Variants in CA10 observed in about 807,000 individuals in gnomAD.
CA10 encodes the protein carbonic anhydrase 10 (inactive).
In CA10, 14 loss-of-function variants were observed where a neutral mutation model predicts 44.2. That is an observed-to-expected ratio of 0.32 (90% confidence interval 0.21 to 0.50). The LOEUF is 0.50. Among genes scored for constraint, CA10 ranks in the 20% least tolerant of loss-of-function variants. The pLI, the probability that CA10 is intolerant of heterozygous loss-of-function variation, is 0.99. For missense variants in CA10, 350 were observed against 409.7 expected, an observed-to-expected ratio of 0.85 and a Z score of 1.26; for synonymous variants, 159 against 141.6, an observed-to-expected ratio of 1.12 and a Z score of -0.87.
chr17:51,731,719 C>T (rs868674347), intron 4 of CA10, among the ~76,000 whole-genome samples: 51 of 148,882 alleles, frequency 3.4e-4, no homozygotes, highest in African/African-American at 1.2e-3. Flanking sequence ...ACTCTGTTGC[C>T]GAGGCTGGAG....
intron 2 of CA10, among the ~76,000 whole-genome samples, chr17:52,059,020 A>G (rs1191517812): frequency 6.6e-6 from 1 of 151,788 alleles, no homozygotes. Flanking sequence ...AAAAGAAATA[A>G]CAAAGTATTT....
intron 2 of CA10, among the ~76,000 whole-genome samples, chr17:51,996,280 C>CCT (rs772985509): frequency 1.3e-5 from 2 of 151,876 alleles, no homozygotes; most frequent in Non-Finnish European, 2.9e-5. Context: ...CAATCATACC[C>CCT]CTCTCCTCTT....
At chr17:51,791,658 ATCATGT>A (rs1168333741) in intron 3 of CA10, among the ~76,000 whole-genome samples, 1 of 152,190 alleles carries the variant, frequency 6.6e-6, no homozygotes, top group East Asian at 1.9e-4. Flanking sequence ...TGTCTGGGGC[ATCATGT>A]TCACTGTGGC....
intron 4 of CA10, among the ~76,000 whole-genome samples, chr17:51,680,064 C>T (rs1490735176): frequency 1.3e-5 from 2 of 152,052 alleles, no homozygotes; most frequent in African/African-American, 2.4e-5. Flanking sequence ...ATATGGCCCA[C>T]GAAGCCTAAC....
intron 2 of CA10, among the ~76,000 whole-genome samples, chr17:52,051,020 G>C (rs1480616330): frequency 7.0e-6 from 1 of 143,700 alleles, no homozygotes; most frequent in African/African-American, 2.8e-5. Flanking sequence ...AAGGAACGAA[G>C]GAAGGAAGGA....
At chr17:52,062,409 G>A (rs1177333741) in intron 2 of CA10, among the ~76,000 whole-genome samples, 1 of 152,172 alleles carries the variant, frequency 6.6e-6, no homozygotes, top group Non-Finnish European at 1.5e-5. Context: ...GTGCTGAGGG[G>A]TAACCACTTG....
chr17:51,973,192 C>T (rs1598147501), intron 2 of CA10, among the ~76,000 whole-genome samples: 1 of 152,198 alleles, frequency 6.6e-6, no homozygotes, highest in East Asian at 1.9e-4. Context: ...GAACACAAGG[C>T]TGTGATCTGT....
intron 2 of CA10, among the ~76,000 whole-genome samples, chr17:52,009,500 G>A (rs1356408411): frequency 2.0e-5 from 3 of 151,954 alleles, no homozygotes; most frequent in African/African-American, 7.2e-5. Context: ...GATGTCCTAT[G>A]GGCATGAAAT....
chr17:51,727,900 T>G (rs906637703), intron 4 of CA10, among the ~76,000 whole-genome samples: 1 of 152,122 alleles, frequency 6.6e-6, no homozygotes, highest in East Asian at 1.9e-4. Context: ...TAAAAAAATT[T>G]TTTTAAGGAC....
chr17:51,958,295 T>C (rs1983745650), intron 2 of CA10, among the ~76,000 whole-genome samples: 1 of 152,016 alleles, frequency 6.6e-6, no homozygotes, highest in Non-Finnish European at 1.5e-5. Flanking sequence ...TTAATTCCCT[T>C]GGCTCTACCA....
chr17:51,773,032 C>A (rs1210677355), intron 3 of CA10, among the ~76,000 whole-genome samples: 7 of 152,278 alleles, frequency 4.6e-5, no homozygotes, highest in Non-Finnish European at 1.0e-4. Flanking sequence ...TACCACCAGG[C>A]CATAAGCTCC....
chr17:52,135,229 A>T (rs181286807), intron 1 of CA10, among the ~76,000 whole-genome samples: 1 of 152,156 alleles, frequency 6.6e-6, no homozygotes, highest in Non-Finnish European at 1.5e-5. Flanking sequence ...TAAGGGATAA[A>T]CAGAAACTAG....
intron 1 of CA10, among the ~76,000 whole-genome samples, chr17:52,147,766 C>T (rs1989619834): frequency 6.6e-6 from 1 of 152,164 alleles, no homozygotes; most frequent in Admixed American, 6.5e-5. Context: ...TTCTATCACA[C>T]CCAGGTCATA....
At chr17:51,970,247 T>C (rs1374237096) in intron 2 of CA10, among the ~76,000 whole-genome samples, 1 of 152,058 alleles carries the variant, frequency 6.6e-6, no homozygotes, top group African/African-American at 2.4e-5. Context: ...ATCTAGAAAG[T>C]CTTATTCTTC....
chr17:51,681,658 T>C (rs931922549), intron 4 of CA10, among the ~76,000 whole-genome samples: 20 of 152,168 alleles, frequency 1.3e-4, no homozygotes, highest in African/African-American at 4.6e-4. Context: ...TGGTTTAAGG[T>C]AAGAGAAAAA....
intron 2 of CA10, among the ~76,000 whole-genome samples, chr17:51,994,521 T>G (rs1020543600): frequency 2.0e-5 from 3 of 151,972 alleles, no homozygotes; most frequent in African/African-American, 7.2e-5. Flanking sequence ...TGGTCTGTCT[T>G]TAGGAGAGGT....
chr17:51,861,486 T>C (rs1388058219), intron 3 of CA10, among the ~76,000 whole-genome samples: 1 of 151,668 alleles, frequency 6.6e-6, no homozygotes, highest in East Asian at 1.9e-4. Context: ...CCCCCTATTA[T>C]ATTTTAAACC....
chr17:52,093,209 G>C (rs1333742134), intron 1 of CA10, among the ~76,000 whole-genome samples: 1 of 152,102 alleles, frequency 6.6e-6, no homozygotes, highest in Non-Finnish European at 1.5e-5. Flanking sequence ...AAGCAACATA[G>C]AGATGGGCAC....
At chr17:51,818,933 TA>T (rs1438160851) in intron 3 of CA10, among the ~76,000 whole-genome samples, 1 of 152,190 alleles carries the variant, frequency 6.6e-6, no homozygotes, top group Non-Finnish European at 1.5e-5. Context: ...ATGCAGCTGT[TA>T]TCATAGTTAC....
Sources: allele counts gnomAD v4.1 joint callset (sites outside exome capture counted in the v4.1 genomes callset), GRCh38; gene constraint gnomAD v4.1.1; transcripts MANE v1.5; gene names NCBI Gene and HGNC (gene_info 2026-07-23, HGNC 2026-07-21).